Variants in LRMDA observed in about 807,000 individuals in gnomAD.
LRMDA encodes leucine rich melanocyte differentiation associated.
In LRMDA, 18 loss-of-function variants were observed where a neutral mutation model predicts 29.8. The observed-to-expected ratio is 0.60, with a 90% CI of 0.42 to 0.90. The LOEUF is 0.90. LRMDA is among the 40% of genes least tolerant of loss of function. The pLI is 0.00. For synonymous variants in LRMDA, 125 were observed against 109.4 expected (o/e 1.14, Z -0.89); for missense variants, 273 against 273.9 (o/e 1.00, Z 0.02).
At chr10:75,820,518 C>T (rs1356013018) in intron 2 of LRMDA, among the ~76,000 whole-genome samples, 1 of 152,130 alleles carries the variant, frequency 6.6e-6, no homozygotes, top group African/African-American at 2.4e-5. Context: ...TGCCAAGAGG[C>T]AAGTTTTTAA....
At chr10:75,599,199 C>A (rs1840848533) in intron 2 of LRMDA, among the ~76,000 whole-genome samples, 1 of 152,152 alleles carries the variant, frequency 6.6e-6, no homozygotes, top group Non-Finnish European at 1.5e-5. Flanking sequence ...CCTGGCGCTA[C>A]AGAGTTTGTC....
At chr10:75,552,416 T>G (rs1035408941) in intron 2 of LRMDA, 10 of 282,416 alleles carry the variant, frequency 3.5e-5, no homozygotes, top group East Asian at 2.2e-4. Flanking sequence ...GTTCTGTGTT[T>G]TTTTTTTTTC....
chr10:75,983,946 C>T (rs6480799), intron 2 of LRMDA, among the ~76,000 whole-genome samples: 61,723 of 152,002 alleles, frequency 0.41, 13,042 homozygotes, highest in Middle Eastern at 0.45. Flanking sequence ...TGAGTTACCA[C>T]GCCCGGCCCC....
In LRMDA at chr10:76,489,895, G is replaced by C. The variant is rs113602573; in HGVS notation, c.602-67314G>C. On this transcript the variant is annotated intron_variant, in intron 6 of 6. Transcript: ENST00000611255. ...TCTCTCTCCTGCTGCCCTGTGAAGA[G>C]GTGCCTTCTGCCATGATTGTAAGTT... Among the ~76,000 whole-genome samples the C allele has an allele frequency of 2.1e-3, 322 of 151,898 alleles. 3 individuals carry two copies. Among genetic ancestry groups the C allele is most frequent in the Middle Eastern group, 0.01 (3 of 294 alleles).
At chr10:75,984,202 T>C (rs898149670) in intron 2 of LRMDA, among the ~76,000 whole-genome samples, 6 of 148,114 alleles carry the variant, frequency 4.1e-5, no homozygotes, top group Admixed American at 1.3e-4. Flanking sequence ...CACTAAGTAC[T>C]GGCCGTATGG....
chr10:75,862,519 G>A (rs1350795906), intron 2 of LRMDA, among the ~76,000 whole-genome samples: 1 of 152,166 alleles, frequency 6.6e-6, no homozygotes, highest in Non-Finnish European at 1.5e-5. Flanking sequence ...CATGCATGGA[G>A]AACCTGGAAG....
At chr10:75,447,321 G>A (rs1564773372) in intron 2 of LRMDA, among the ~76,000 whole-genome samples, 1 of 152,080 alleles carries the variant, frequency 6.6e-6, no homozygotes, top group Non-Finnish European at 1.5e-5. Flanking sequence ...TAATGTCTCA[G>A]TTGTGACCAG....
chr10:76,520,050 G>A (rs115244076), intron 6 of LRMDA, among the ~76,000 whole-genome samples: 2,986 of 152,160 alleles, frequency 0.02, 70 homozygotes, highest in African/African-American at 0.057. Context: ...CTAGAGATTG[G>A]AGAGTCTCTA....
chr10:76,142,949 T>G (rs1850233801), intron 5 of LRMDA, among the ~76,000 whole-genome samples: 1 of 150,314 alleles, frequency 6.7e-6, no homozygotes, highest in African/African-American at 2.5e-5. Flanking sequence ...GTGTTTGGTT[T>G]TTTGTCCTTG....
chr10:75,464,884 C>T (rs1271710692), intron 2 of LRMDA, among the ~76,000 whole-genome samples: 2 of 152,170 alleles, frequency 1.3e-5, no homozygotes, highest in African/African-American at 4.8e-5. Context: ...GAGCACAAAG[C>T]CACCTCTTTT....
At chr10:76,112,792 G>A (rs1035163914) in intron 5 of LRMDA, among the ~76,000 whole-genome samples, 2 of 99,878 alleles carry the variant, frequency 2.0e-5, no homozygotes, top group Admixed American at 1.1e-4. Flanking sequence ...TGAGGGTGCT[G>A]TTGACAGAAG....
At chr10:76,253,615 G>A (rs1203870791) in intron 5 of LRMDA, among the ~76,000 whole-genome samples, 2 of 151,928 alleles carry the variant, frequency 1.3e-5, no homozygotes, top group African/African-American at 4.8e-5. Flanking sequence ...TTTTCAACGT[G>A]CTCATATATC....
At chr10:75,688,689 C>T (rs1842110646) in intron 2 of LRMDA, among the ~76,000 whole-genome samples, 1 of 152,188 alleles carries the variant, frequency 6.6e-6, no homozygotes, top group Admixed American at 6.5e-5. Context: ...GAAATACTAT[C>T]AAACGGCATC....
Position 76,058,798 on chromosome 10 carries a change from T to A in LRMDA, c.516+15T>A. Reference sequence around the variant, plus strand: ...TGAAGCCCAAGGTGAGCTGCCTACTTGCTGTTCTTCACAAGGGATTTACAT... The same window carrying A: ...TGAAGCCCAAGGTGAGCTGCCTACTAGCTGTTCTTCACAAGGGATTTACAT... On this transcript the variant is annotated intron_variant, in intron 5 of 6. Transcript: ENST00000611255. 6.3e-7 allele frequency: 1 copy of A among 1,581,620 alleles called. No homozygotes were observed. Among genetic ancestry groups the A allele is most frequent in the Non-Finnish European group, 8.7e-7 (1 of 1,150,430 alleles).
chr10:76,519,007 C>T (rs1843092238), intron 6 of LRMDA, among the ~76,000 whole-genome samples: 1 of 152,028 alleles, frequency 6.6e-6, no homozygotes, highest in Non-Finnish European at 1.5e-5. Flanking sequence ...AAAAAGTTAA[C>T]TAGAAAAACC....
At chr10:75,997,142 A>AGG in intron 2 of LRMDA, among the ~76,000 whole-genome samples, 1 of 152,214 alleles carries the variant, frequency 6.6e-6, no homozygotes, top group African/African-American at 2.4e-5. Flanking sequence ...GTTGCCTGTA[A>AGG]TTCCCCACTT....
chr10:75,941,729 C>T (rs1846395907), intron 2 of LRMDA, among the ~76,000 whole-genome samples: 1 of 152,126 alleles, frequency 6.6e-6, no homozygotes, highest in South Asian at 2.1e-4. Context: ...GCCATGCAGA[C>T]CACAAACCAC....
At chr10:76,175,687 A>T (rs1174431569) in intron 5 of LRMDA, among the ~76,000 whole-genome samples, 1 of 152,216 alleles carries the variant, frequency 6.6e-6, no homozygotes, top group Non-Finnish European at 1.5e-5. Flanking sequence ...GCCCTGACTC[A>T]TCAGAGAAAG....
intron 2 of LRMDA, among the ~76,000 whole-genome samples, chr10:75,949,387 T>C (rs1158316848): frequency 6.6e-6 from 1 of 152,210 alleles, no homozygotes; most frequent in Non-Finnish European, 1.5e-5. Context: ...CCTTGAGGGC[T>C]TCTCAGTAAA....
Sources: allele counts gnomAD v4.1 joint callset (sites outside exome capture counted in the v4.1 genomes callset), GRCh38; gene constraint gnomAD v4.1.1; transcripts MANE v1.5; gene names NCBI Gene and HGNC (gene_info 2026-07-23, HGNC 2026-07-21).